Variants in ZFHX4 observed in about 807,000 individuals in gnomAD.
ZFHX4 encodes zinc finger homeobox 4.
A neutral mutation model predicts 267.6 loss-of-function variants in ZFHX4; 56 were observed. That is an observed-to-expected ratio of 0.21 (90% CI 0.17 to 0.26). ZFHX4 has a LOEUF of 0.26. Among genes scored for constraint, ZFHX4 ranks in the 10% least tolerant of loss-of-function variants. The pLI is 1.00. For missense variants in ZFHX4, 4,332 were observed against 4,420.0 expected (o/e 0.98, Z 0.56); for synonymous variants, 1,778 against 1,665.6 (o/e 1.07, Z -1.64).
rs183335185 is a variant in ZFHX4, at chr8:76,794,287, G to A, written c.3325+15848G>A. ...TGCAGTGATACTAAGATGAATGCAG[G>A]TATTTCCCAATTTTCAGCTGAAAAT... On this transcript the variant is annotated intron_variant, in intron 4 of 10. Coordinates refer to ENST00000651372, the MANE Select transcript of ZFHX4 (RefSeq NM_024721.5). Among the ~76,000 whole-genome samples the A allele has an allele frequency of 9.9e-5, 15 of 152,204 alleles. No homozygotes were observed. The East Asian group carries it at 2.7e-3, about 27-fold the overall frequency.
chr8:76,804,529 C>A (rs1811198113), intron 4 of ZFHX4, among the ~76,000 whole-genome samples: 2 of 152,008 alleles, frequency 1.3e-5, no homozygotes, highest in Non-Finnish European at 2.9e-5. Flanking sequence ...AATCTATATA[C>A]TGAAGAAAAG....
intron 3 of ZFHX4, among the ~76,000 whole-genome samples, chr8:76,744,454 C>T (rs930344891): frequency 5.9e-5 from 9 of 151,850 alleles, no homozygotes; most frequent in African/African-American, 1.9e-4. Context: ...GCTCTGTCAC[C>T]CAGGGTGGAG....
chr8:76,831,491 T>A (rs1811932289), intron 4 of ZFHX4, among the ~76,000 whole-genome samples: 2 of 152,200 alleles, frequency 1.3e-5, no homozygotes, highest in Admixed American at 1.3e-4. Context: ...TCTGGGAAGC[T>A]ACAAGAAAAT....
chr8:76,777,471 TACTTA>T (rs971435160), intron 3 of ZFHX4, among the ~76,000 whole-genome samples: 12 of 152,326 alleles, frequency 7.9e-5, no homozygotes, highest in African/African-American at 2.6e-4. Flanking sequence ...CAAATTAAGT[TACTTA>T]ACTTTTTAGT....
At chr8:76,782,924 A>G (rs1810589247) in intron 4 of ZFHX4, among the ~76,000 whole-genome samples, 1 of 152,054 alleles carries the variant, frequency 6.6e-6, no homozygotes, top group African/African-American at 2.4e-5. Flanking sequence ...TTCAAGCACT[A>G]AAGTGCAAGT....
At chr8:76,786,436 G>A (rs1330325303) in intron 4 of ZFHX4, among the ~76,000 whole-genome samples, 3 of 151,016 alleles carry the variant, frequency 2.0e-5, no homozygotes, top group Non-Finnish European at 4.4e-5. Context: ...TTTAGATAAG[G>A]AGATTATCTG....
Position 76,854,400 on chromosome 8 carries a change from C to A in ZFHX4, c.7479C>A (p.Tyr2493Ter), listed in dbSNP as rs1354913890. ...GTCTACCTCCACAGTTACTACAATA[C>A]CAATGTGATCAGTGTACAGTTGCCT... ...QNSLPPQLLQ[Y>*]QCDQCTVAFP... Residue 2493 changes from tyrosine (Y) to a stop codon, truncating the protein, a stop_gained, in exon 10 of 11, where the codon TAC (tyrosine) becomes TAA (stop). Transcript: ENST00000651372. LOFTEE classifies it high-confidence loss of function. The A allele has an allele frequency of 6.2e-7, 1 of 1,614,012 alleles. No homozygotes were observed. Among genetic ancestry groups the A allele is most frequent in the Non-Finnish European group, 8.5e-7 (1 of 1,179,896 alleles).
chr8:76,848,371 C>A (rs1256314319), intron 6 of ZFHX4, among the ~76,000 whole-genome samples: 1 of 152,152 alleles, frequency 6.6e-6, no homozygotes, highest in Non-Finnish European at 1.5e-5. Flanking sequence ...TTTGGATTAA[C>A]CTCATAAAAC....
At chr8:76,862,845 G>A (rs994940530) in intron 10 of ZFHX4, among the ~76,000 whole-genome samples, 1 of 152,092 alleles carries the variant, frequency 6.6e-6, no homozygotes, top group Non-Finnish European at 1.5e-5. Context: ...TGAGTAAAAT[G>A]TTGCTAAAAT....
At chr8:76,762,151 T>A (rs929687411) in intron 3 of ZFHX4, among the ~76,000 whole-genome samples, 2 of 152,176 alleles carry the variant, frequency 1.3e-5, no homozygotes, top group African/African-American at 2.4e-5. Context: ...CCACTAGTGC[T>A]ACAAAGAAAG....
chr8:76,861,554 G>A lies in ZFHX4; in HGVS notation c.9380-1540G>A, dbSNP rs1413701663. ...GAGTGTAGCAAAGTTAAAAAGAGGAGCAGCCAATAATACCCTAAGTTAATT... is the reference window on the plus strand; with the variant it reads ...GAGTGTAGCAAAGTTAAAAAGAGGAACAGCCAATAATACCCTAAGTTAATT... On this transcript the variant is annotated intron_variant, in intron 10 of 10. Coordinates refer to ENST00000651372, the MANE Select transcript of ZFHX4 (RefSeq NM_024721.5). 2.0e-5 allele frequency among the ~76,000 whole-genome samples: 3 copies of A among 152,086 alleles called. No individual in the cohort carries two copies. In the East Asian group the frequency reaches 5.8e-4, roughly 29 times the overall value.
intron 7 of ZFHX4, 148 bp from the exon 8 acceptor site, chr8:76,849,364 G>A: frequency 1.2e-6 from 1 of 848,160 alleles, no homozygotes. Context: ...AATGTCTGAG[G>A]TGATGGATAT....
Position 76,853,026 on chromosome 8 carries a change from G to T in ZFHX4, c.6105G>T (p.Leu2035=), listed in dbSNP as rs1403362413. 5.3e-6 allele frequency: 8 copies of T among 1,500,510 alleles called. No homozygotes were observed. Among genetic ancestry groups the T allele is most frequent in the Non-Finnish European group, 7.2e-6 (8 of 1,106,586 alleles). 92.9% of individuals were successfully genotyped at this position (1,500,510 alleles called of 1,614,324 possible). The change falls in exon 10 of 11, where the codon CTG becomes CTT. Residue 2035 remains leucine (L), a synonymous_variant. Coordinates refer to ENST00000651372, the MANE Select transcript of ZFHX4 (RefSeq NM_024721.5). The part of the protein sequence containing the change: ...VKIPNTVSTP[L]QAPPPTPPPP... The stretch of plus-strand genomic sequence containing the variant: ...TCCCCAACACGGTTTCTACTCCTCT[G>T]CAAGCTCCACCACCCACTCCTCCCC...
In ZFHX4 at chr8:76,851,661, C is replaced by T. The variant is rs753637211; in HGVS notation, c.4740C>T (p.Val1580=). ...KKVLQEASSP[V]PQETNSNTDN... ...TTTTGCAGGAAGCCTCCAGTCCTGT[C>T]CCACAAGAAACCAACAGCAACACAG... The change falls in exon 10 of 11, where the codon GTC becomes GTT. Residue 1580 remains valine (V), a synonymous_variant. Transcript: ENST00000651372. The T allele has an allele frequency of 6.2e-6, 10 of 1,613,714 alleles. 1 individual carries two copies. In the South Asian group the frequency reaches 1.1e-4, roughly 18 times the overall value.
At chr8:76,760,258 G>A (rs909358917) in intron 3 of ZFHX4, among the ~76,000 whole-genome samples, 1 of 152,050 alleles carries the variant, frequency 6.6e-6, no homozygotes, top group African/African-American at 2.4e-5. Flanking sequence ...CAGTATCTTG[G>A]CATCCCACCA....
intron 6 of ZFHX4, among the ~76,000 whole-genome samples, chr8:76,842,988 C>G (rs1257095266): frequency 6.6e-6 from 1 of 152,158 alleles, no homozygotes; most frequent in East Asian, 1.9e-4. Flanking sequence ...AACCATCTGA[C>G]AGAATAGATG....
chr8:76,843,195 G>A (rs191118595), intron 6 of ZFHX4, among the ~76,000 whole-genome samples: 1 of 152,118 alleles, frequency 6.6e-6, no homozygotes, highest in African/African-American at 2.4e-5. Context: ...GTATTCGCCC[G>A]CCAAACCACG....
chr8:76,714,703 T>C (rs2131627766), intron 3 of ZFHX4, among the ~76,000 whole-genome samples: 1 of 152,316 alleles, frequency 6.6e-6, no homozygotes, highest in Non-Finnish European at 1.5e-5. Flanking sequence ...ACACTTACTA[T>C]GTGAAAGGTT....
chr8:76,853,172 A>C lies in ZFHX4; in HGVS notation c.6251A>C (p.Gln2084Pro). ...CCGCTCTTTCCTTCCATTATGATGC[A>C]ACCTGTGCAACACCCTGCGCTTCCT... ...DLPLFPSIMMQPVQHPALPPQ... is the reference protein window; with the variant it reads ...DLPLFPSIMMPPVQHPALPPQ... Residue 2084 changes from glutamine (Q) to proline (P), a missense_variant, in exon 10 of 11, where the codon CAA becomes CCA. By Grantham distance (76) the Gln-to-Pro change is moderately conservative (BLOSUM62 -1). Around this residue, in one of 7 missense-constraint regions of ZFHX4, gnomAD observed 1,371 missense variants for 1,423.1 expected, o/e 0.96. Coordinates refer to ENST00000651372, the MANE Select transcript of ZFHX4 (RefSeq NM_024721.5). 6.4e-7 allele frequency: 1 copy of C among 1,550,658 alleles called. No homozygotes were observed. The highest frequency in any genetic ancestry group is 1.4e-5 in the African/African-American group (1 of 72,324).
Sources: allele counts gnomAD v4.1 joint callset (sites outside exome capture counted in the v4.1 genomes callset), GRCh38; gene constraint gnomAD v4.1.1; regional missense constraint gnomAD v4.1.1; transcripts MANE v1.5; gene names NCBI Gene and HGNC (gene_info 2026-07-23, HGNC 2026-07-21).